Variants in ADGRA2 observed in about 807,000 individuals in gnomAD.
ADGRA2 encodes G-protein coupled receptor 124.
A neutral mutation model predicts 98.7 loss-of-function variants in ADGRA2; 61 were observed. The ratio of observed to expected loss-of-function variants is 0.62; its 90% confidence interval spans 0.50 to 0.76. ADGRA2 has a LOEUF of 0.76. Among genes scored for constraint, ADGRA2 ranks in the 30% least tolerant of loss-of-function variants. The probability of loss-of-function intolerance (pLI) is 0.00; values close to 1 mark genes in which losing one functional copy is unlikely to be tolerated. For missense variants in ADGRA2, 1,712 were observed against 1,860.0 expected (o/e 0.92, Z 1.46); for synonymous variants, 858 against 831.5 (o/e 1.03, Z -0.55).
rs750909857 is a variant in ADGRA2, at chr8:37,844,767, C to A, written c.*2412C>A. ...CCCTTCTCCTTGCCCCTGTCCCCAC[C>A]CCGGTGGCTCCTTCTCTCGGGTCTC... On this transcript the variant is annotated 3_prime_UTR_variant, in exon 19 of 19. Transcript: ENST00000412232. 1 of 1,614,026 alleles carries A rather than the reference C, an allele frequency of 6.2e-7. No homozygotes were observed. The highest frequency in any genetic ancestry group is 8.5e-7 in the Non-Finnish European group (1 of 1,179,976).
intron 1 of ADGRA2, among the ~76,000 whole-genome samples, chr8:37,811,119 C>CA (rs1158782949): frequency 0.055 from 3,765 of 68,628 alleles, 67 homozygotes; most frequent in East Asian, 0.14. Flanking sequence ...GTCTCAAAAA[C>CA]AAAAAAAAAA....
chr8:37,806,455 G>T (rs538870522), intron 1 of ADGRA2, among the ~76,000 whole-genome samples: 10 of 151,056 alleles, frequency 6.6e-5, no homozygotes, highest in Non-Finnish European at 1.3e-4. Context: ...ACCACCTCGG[G>T]TAGCTTCAGA....
At chr8:37,835,866 T>G in intron 13 of ADGRA2, 96 bp downstream of exon 13, 2 of 752,064 alleles carry the variant, frequency 2.7e-6, no homozygotes, top group Non-Finnish European at 2.3e-6. Flanking sequence ...AGCCCCCCAG[T>G]GCCGTAGTGG....
chr8:37,812,878 C>CA (rs1408707794), intron 1 of ADGRA2, among the ~76,000 whole-genome samples: 2 of 151,854 alleles, frequency 1.3e-5, no homozygotes, highest in Non-Finnish European at 2.9e-5. Flanking sequence ...TTCGTAGAGA[C>CA]AGAGTTTCAC....
At position 37,842,326 on chromosome 8, in the gene ADGRA2, G is replaced by A. The variant is rs1194804047; in HGVS notation, c.3988G>A (p.Gly1330Arg). The change falls in exon 19 of 19, where the codon GGA becomes AGA. Residue 1330 changes from glycine (G) to arginine (R), a missense_variant. Coordinates refer to ENST00000412232, the MANE Select transcript of ADGRA2 (RefSeq NM_032777.10). ...AGCCAGCGGCGGCTGCATGAAGACC[G>A]GACTCTGGAAGAGCGAAACTACCGT... The part of the protein sequence containing the change: ...EVASGGCMKT[G>R]LWKSETTV 2.0e-6 allele frequency: 3 copies of A among 1,522,364 alleles called. No homozygotes were observed. Among genetic ancestry groups the A allele is most frequent in the Admixed American group, 2.3e-5 (1 of 44,224 alleles). 94.3% of individuals were successfully genotyped at this position (1,522,364 alleles called of 1,614,324 possible). A position where few individuals can be genotyped will look rare whatever the true frequency, so the allele number is the denominator to read the frequency against.
At position 37,797,682 on chromosome 8, in the gene ADGRA2, G is replaced by A. The variant is rs551336990; in HGVS notation, c.266+148G>A. On this transcript the variant is annotated intron_variant, in intron 1 of 18. Coordinates refer to ENST00000412232, the MANE Select transcript of ADGRA2 (RefSeq NM_032777.10). The surrounding 1 kb of genome is among the most constrained non-coding windows in gnomAD (Gnocchi z 5.3). ...CTGGGTTCAGGCCCCCAGAGGGGAA[G>A]ATTGGAGGAGCAGGGGAGAGACTGG... 2.2e-5 allele frequency: 17 copies of A among 783,958 alleles called. No individual in the cohort carries two copies. The African/African-American group carries it at 2.7e-4, about 12-fold the overall frequency. 48.6% of individuals were successfully genotyped at this position (783,958 alleles called of 1,614,324 possible). A position where few individuals can be genotyped will look rare whatever the true frequency, so the allele number is the denominator to read the frequency against.
Position 37,828,895 on chromosome 8 carries a change from A to C in ADGRA2, c.346A>C (p.Arg116=), listed in dbSNP as rs1805367124. ...GLSLLEKLDL[R]NNIISTVQPG... ...CTGCACTTGCCTCTGCAGGGACCTG[A>C]GGAACAACATCATCAGCACAGTGCA... The change falls in exon 3 of 19, where the codon AGG becomes CGG. Residue 116 remains arginine (R), a synonymous_variant. Transcript: ENST00000412232. The C allele has an allele frequency of 6.3e-7, 1 of 1,599,778 alleles. No individual in the cohort carries two copies. Among genetic ancestry groups the C allele is most frequent in the Non-Finnish European group, 8.5e-7 (1 of 1,174,138 alleles).
intron 2 of ADGRA2, among the ~76,000 whole-genome samples, chr8:37,819,517 C>T (rs543191916): frequency 6.6e-6 from 1 of 151,762 alleles, no homozygotes; most frequent in Non-Finnish European, 1.5e-5. Flanking sequence ...TACAGGCACA[C>T]GCCACCATGC....
rs1182999312 is a variant in ADGRA2 at position 37,797,477 on chromosome 8, G to A, written c.209G>A (p.Gly70Asp). The A allele has an allele frequency of 7.0e-7, 1 of 1,421,738 alleles. No homozygotes were observed. The highest frequency in any genetic ancestry group is 1.6e-5 in the South Asian group (1 of 61,542). 88.1% of individuals were successfully genotyped at this position (1,421,738 alleles called of 1,614,324 possible). Reference sequence around the variant, plus strand: ...GCTCGGCGGAGGGTGGTGTGCAGCGGCGGGGACCTCCCGGAGCCTCCCGAG... The same window carrying A: ...GCTCGGCGGAGGGTGGTGTGCAGCGACGGGGACCTCCCGGAGCCTCCCGAG... ...GPARRRVVCS[G>D]GDLPEPPEPG... Residue 70 changes from glycine to aspartate, a missense_variant, in exon 1 of 19, where the codon GGC becomes GAC. Coordinates refer to ENST00000412232, the MANE Select transcript of ADGRA2 (RefSeq NM_032777.10). This position sits in a 1 kb window ranked among gnomAD's most constrained non-coding sequence, Gnocchi z 5.3.
rs1332121502 is a variant in ADGRA2 at position 37,828,889 on chromosome 8, G to C, written c.340G>C (p.Asp114His). Residue 114 changes from aspartate to histidine, a missense_variant and splice_region_variant, in exon 3 of 19, where the codon GAC becomes CAC. Transcript: ENST00000412232. ...FLGLSLLEKL[D>H]LRNNIISTVQ... ...GGGCCTCTGCACTTGCCTCTGCAGG[G>C]ACCTGAGGAACAACATCATCAGCAC... 6.3e-7 allele frequency: 1 copy of C among 1,599,734 alleles called. No individual in the cohort carries two copies. Among genetic ancestry groups the C allele is most frequent in the South Asian group, 1.1e-5 (1 of 88,876 alleles).
intron 1 of ADGRA2, among the ~76,000 whole-genome samples, chr8:37,812,289 C>T (rs751087697): frequency 6.6e-6 from 1 of 152,014 alleles, no homozygotes; most frequent in Non-Finnish European, 1.5e-5. Context: ...CTACCTCTGC[C>T]CCACGCTGGG....
intron 1 of ADGRA2, among the ~76,000 whole-genome samples, chr8:37,803,047 G>A (rs764693354): frequency 2.6e-5 from 4 of 152,154 alleles, no homozygotes; most frequent in African/African-American, 4.8e-5. Context: ...GCAACCCCTC[G>A]TCCTGGGGGG....
At position 37,833,010 on chromosome 8, in the gene ADGRA2, G is replaced by A. The variant is rs1157342032; in HGVS notation, c.1098G>A (p.Arg366=). 1 of 1,611,036 alleles carries A rather than the reference G, an allele frequency of 6.2e-7. No homozygotes were observed. The highest frequency in any genetic ancestry group is 8.5e-7 in the Non-Finnish European group (1 of 1,178,800). Residue 366 remains arginine, a splice_region_variant and synonymous_variant, in exon 9 of 19, where the codon AGG becomes AGA. Coordinates refer to ENST00000412232, the MANE Select transcript of ADGRA2 (RefSeq NM_032777.10). ...GGCAACTTCCTGCCTCTCCCCCCAG[G>A]TGGCCCCGAACTCTGGCTGGCATCA... ...ERVANNRGDF[R]WPRTLAGITA... is the part of the protein sequence containing the mutation.
Position 37,830,517 on chromosome 8 carries a change from C to T in ADGRA2, c.719-193C>T, listed in dbSNP as rs933334746. ...TGAGAAAGGAGTACTTTTCTTTGTC[C>T]AAAAACCGCCTGTCCCTCCCCTTTA... On this transcript the variant is annotated intron_variant, in intron 6 of 18. Coordinates refer to ENST00000412232, the MANE Select transcript of ADGRA2 (RefSeq NM_032777.10). This position sits in a 1 kb window ranked among gnomAD's most constrained non-coding sequence, Gnocchi z 4.8. Among the ~76,000 whole-genome samples, 1 of 152,128 alleles carries T rather than the reference C, an allele frequency of 6.6e-6. No homozygotes were observed. The highest frequency in any genetic ancestry group is 1.5e-5 in the Non-Finnish European group (1 of 67,982).
chr8:37,822,384 T>TACACACACACAC (rs147834043), intron 2 of ADGRA2, among the ~76,000 whole-genome samples: 76 of 147,200 alleles, frequency 5.2e-4, no homozygotes, highest in South Asian at 2.8e-3. Context: ...TGTATGTGGG[T>TACACACACACAC]ACACACACAC....
At chr8:37,818,271 T>C (rs1805034851) in intron 2 of ADGRA2, among the ~76,000 whole-genome samples, 2 of 152,158 alleles carry the variant, frequency 1.3e-5, no homozygotes, top group Admixed American at 6.5e-5. Context: ...TCCTCCTCCT[T>C]AGCACACACA....
chr8:37,835,810 C>G (rs747143604), intron 13 of ADGRA2, 40 bp downstream of exon 13: 2 of 1,333,258 alleles, frequency 1.5e-6, no homozygotes, highest in Non-Finnish European at 2.1e-6. Context: ...GGGTGCCTCT[C>G]GTGTGTCCGC....
chr8:37,804,506 C>T (rs1453884768), intron 1 of ADGRA2, among the ~76,000 whole-genome samples: 1 of 152,212 alleles, frequency 6.6e-6, no homozygotes, highest in East Asian at 1.9e-4. Flanking sequence ...CCTGACTTCA[C>T]TTGAGGAGGG....
chr8:37,837,049 C>T (rs1805634425), intron 13 of ADGRA2, among the ~76,000 whole-genome samples: 1 of 152,168 alleles, frequency 6.6e-6, no homozygotes, highest in South Asian at 2.1e-4. Flanking sequence ...AAGTGCAGCT[C>T]GTTGTAAGTG....
Sources: gnomAD v4.1 joint callset for allele counts (sites outside exome capture counted in the v4.1 genomes callset) on GRCh38, gnomAD v4.1.1 for gene constraint, Gnocchi (gnomAD v3.1) non-coding constraint, MANE v1.5 for transcripts, NCBI Gene and HGNC (gene_info 2026-07-23, HGNC 2026-07-21) for gene names.